Variants in GLYATL3 observed in about 807,000 individuals in gnomAD.
GLYATL3 encodes the protein glycine N-acyltransferase-like protein 3.
Under a neutral mutation model 28.5 loss-of-function variants are expected in GLYATL3, and 31 were observed. The ratio of observed to expected loss-of-function variants is 1.09; its 90% confidence interval spans 0.82 to 1.47. The LOEUF (loss-of-function observed/expected upper bound fraction) is 1.47. Ranked by LOEUF, GLYATL3 falls within the 40% of genes most tolerant of loss-of-function variation. The pLI is 0.00. For synonymous variants in GLYATL3, 141 were observed against 140.2 expected (o/e 1.01, Z -0.04); for missense variants, 369 against 351.5 (o/e 1.05, Z -0.40).
chr6:49,500,838 ATG>A (rs1244765721), intron 1 of GLYATL3, among the ~76,000 whole-genome samples: 1 of 152,180 alleles, frequency 6.6e-6, no homozygotes, highest in East Asian at 1.9e-4. Flanking sequence ...TGTTACAAAA[ATG>A]TGTAGAAAAT....
chr6:49,502,449 G>A (rs1431429734), intron 1 of GLYATL3, among the ~76,000 whole-genome samples: 1 of 152,106 alleles, frequency 6.6e-6, no homozygotes, highest in Non-Finnish European at 1.5e-5. Flanking sequence ...CTTGTAAATG[G>A]CATTTTACTG....
At chr6:49,518,993 A>G (rs951611268) in intron 4 of GLYATL3, among the ~76,000 whole-genome samples, 7 of 152,186 alleles carry the variant, frequency 4.6e-5, no homozygotes, top group African/African-American at 1.7e-4. Context: ...CTTATGCAAG[A>G]AGCTCTAAAC....
intron 3 of GLYATL3, 78 bp downstream of exon 3, chr6:49,515,838 T>C (rs1184522922): frequency 8.8e-6 from 7 of 795,754 alleles, no homozygotes; most frequent in Non-Finnish European, 1.3e-5. Flanking sequence ...TTTATAATCA[T>C]AGTAGCCATT....
chr6:49,515,761 G>C lies in GLYATL3; in HGVS notation c.186+1G>C, dbSNP rs374541517. On this transcript the variant is annotated splice_donor_variant, in intron 3 of 5. Transcript: ENST00000371197. LOFTEE classifies it high-confidence loss of function. ...TGTTATCACCCGACGACAAAGAGAG[G>C]TACAGTTTTGAAAGGTAAAAAGTTT... 58 of 1,515,110 alleles carry C rather than the reference G, an allele frequency of 3.8e-5. No homozygotes were observed. The highest frequency in any genetic ancestry group is 4.8e-5 in the Non-Finnish European group (54 of 1,113,536). The allele number at this position is 1,515,110 out of a possible 1,614,324, so 93.9% of individuals were successfully genotyped here.
chr6:49,526,529 A>T lies in GLYATL3; in HGVS notation c.482A>T (p.Asn161Ile). The T allele has an allele frequency of 6.4e-7, 1 of 1,551,706 alleles. No individual in the cohort carries two copies. The highest frequency in any genetic ancestry group is 8.7e-7 in the Non-Finnish European group (1 of 1,146,978). ...CGACTAACCTACCTGAGTGTTGCCA[A>T]TGCGGATCTACTCAACCGGACTTGG... ...SPRLTYLSVA[N>I]ADLLNRTWSR... is the part of the protein sequence containing the mutation. The change falls in exon 6 of 6, where the codon AAT (asparagine) becomes ATT (isoleucine). Residue 161 changes from asparagine (N) to isoleucine (I), a missense_variant. Transcript: ENST00000371197.
rs944977268 is a variant in GLYATL3 at position 49,527,644 on chromosome 6, C to T, written c.*730C>T. ...TGCCTTGGATGAATGACAATATGGGCATTTTGATGCTATAAACAAATGCTG... is the reference window on the plus strand; with the variant it reads ...TGCCTTGGATGAATGACAATATGGGTATTTTGATGCTATAAACAAATGCTG... On this transcript the variant is annotated 3_prime_UTR_variant, in exon 6 of 6. Transcript: ENST00000371197. Among the ~76,000 whole-genome samples, 1 of 152,124 alleles carries T rather than the reference C, an allele frequency of 6.6e-6. No homozygotes were observed. The highest frequency in any genetic ancestry group is 2.4e-5 in the African/African-American group (1 of 41,432).
At chr6:49,515,011 G>A (rs1261592859) in intron 2 of GLYATL3, among the ~76,000 whole-genome samples, 1 of 152,164 alleles carries the variant, frequency 6.6e-6, no homozygotes, top group Non-Finnish European at 1.5e-5. Flanking sequence ...GAGTCACCAA[G>A]CATTCAATCA....
At chr6:49,513,928 A>G (rs1477736427) in intron 2 of GLYATL3, among the ~76,000 whole-genome samples, 1 of 152,182 alleles carries the variant, frequency 6.6e-6, no homozygotes, top group African/African-American at 2.4e-5. Context: ...CCCTTTCTTT[A>G]AAAAAGTTGT....
intron 4 of GLYATL3, among the ~76,000 whole-genome samples, chr6:49,518,896 G>A (rs6933253): frequency 6.6e-6 from 1 of 151,598 alleles, no homozygotes; most frequent in Non-Finnish European, 1.5e-5. Flanking sequence ...AGCCGAGATC[G>A]CGCCACTGCA....
At chr6:49,509,510 A>G (rs558933897) in intron 1 of GLYATL3, among the ~76,000 whole-genome samples, 1 of 152,310 alleles carries the variant, frequency 6.6e-6, no homozygotes, top group South Asian at 2.1e-4. Context: ...CTTTTGGTCC[A>G]TTTTTAAACA....
chr6:49,515,439 T>C (rs953454983), intron 2 of GLYATL3, among the ~76,000 whole-genome samples: 4 of 152,198 alleles, frequency 2.6e-5, no homozygotes, highest in Non-Finnish European at 5.9e-5. Flanking sequence ...TTTTATAGGA[T>C]TTCATAGACT....
chr6:49,526,615 A>G lies in GLYATL3; in HGVS notation c.568A>G (p.Ser190Gly). Residue 190 changes from serine (S) to glycine (G), a missense_variant, in exon 6 of 6, where the codon AGT becomes GGT. Coordinates refer to ENST00000371197, the MANE Select transcript of GLYATL3 (RefSeq NM_001010904.2). ...YIANLISCFP[S>G]VCVRDEKGNP... ...CGCCAACCTCATCTCCTGCTTCCCT[A>G]GTGTGTGTGTCCGGGATGAGAAGGG... 6.4e-7 allele frequency: 1 copy of G among 1,551,838 alleles called. No homozygotes were observed. Among genetic ancestry groups the G allele is most frequent in the Non-Finnish European group, 8.7e-7 (1 of 1,146,992 alleles).
intron 2 of GLYATL3, among the ~76,000 whole-genome samples, chr6:49,514,545 A>C (rs770750793): frequency 2.0e-5 from 3 of 152,224 alleles, no homozygotes; most frequent in Non-Finnish European, 4.4e-5. Context: ...AGATAAAAAT[A>C]TGTGGCTGCA....
intron 1 of GLYATL3, among the ~76,000 whole-genome samples, chr6:49,508,218 C>T (rs1162549029): frequency 6.6e-6 from 1 of 152,018 alleles, no homozygotes; most frequent in African/African-American, 2.4e-5. Context: ...ATGGCGTGAA[C>T]CCGGGAGGCA....
At chr6:49,516,932 C>T (rs1056984676) in intron 3 of GLYATL3, among the ~76,000 whole-genome samples, 2 of 151,482 alleles carry the variant, frequency 1.3e-5, no homozygotes, top group African/African-American at 2.4e-5. Flanking sequence ...CCTAGGCGGG[C>T]GGATCATGAG....
At chr6:49,516,610 C>A (rs1769218865) in intron 3 of GLYATL3, among the ~76,000 whole-genome samples, 1 of 151,768 alleles carries the variant, frequency 6.6e-6, no homozygotes, top group Non-Finnish European at 1.5e-5. Flanking sequence ...AAACAAAATC[C>A]TAGAAAAATG....
chr6:49,504,906 A>T (rs182774479), intron 1 of GLYATL3, among the ~76,000 whole-genome samples: 1 of 152,224 alleles, frequency 6.6e-6, no homozygotes, highest in African/African-American at 2.4e-5. Flanking sequence ...TGAAATGCAC[A>T]TAAGCTAATT....
intron 5 of GLYATL3, among the ~76,000 whole-genome samples, chr6:49,522,167 T>G (rs1251457363): frequency 6.6e-6 from 1 of 152,154 alleles, no homozygotes; most frequent in Non-Finnish European, 1.5e-5. Context: ...CTGACTTATG[T>G]TGCGCTCTTA....
chr6:49,519,307 A>G (rs1429822183), intron 4 of GLYATL3, among the ~76,000 whole-genome samples: 1 of 152,198 alleles, frequency 6.6e-6, no homozygotes, highest in African/African-American at 2.4e-5. Context: ...AATTGACCCA[A>G]TCATTCTTTC....
Sources: gnomAD v4.1 joint callset for allele counts (sites outside exome capture counted in the v4.1 genomes callset) on GRCh38, gnomAD v4.1.1 for gene constraint, MANE v1.5 for transcripts, NCBI Gene and HGNC (gene_info 2026-07-23, HGNC 2026-07-21) for gene names.